The following R3HDM1 variants were observed in gnomAD, a reference collection of about 807,000 sequenced individuals.
The protein encoded by R3HDM1 is R3H domain containing 1.
Under a neutral mutation model 141.1 loss-of-function variants are expected in R3HDM1, and 46 were observed. That is an observed-to-expected ratio of 0.33 (90% CI 0.26 to 0.42). The LOEUF (loss-of-function observed/expected upper bound fraction) is 0.42, where lower values mean the gene tolerates loss of function less well. R3HDM1 is among the 10% of genes least tolerant of loss of function. The probability of loss-of-function intolerance (pLI) is 1.00; values close to 1 mark genes in which losing one functional copy is unlikely to be tolerated. For synonymous variants in R3HDM1, 435 were observed against 472.9 expected, an observed-to-expected ratio of 0.92 and a Z score of 1.04; for missense variants, 1,184 against 1,368.3, an observed-to-expected ratio of 0.87 and a Z score of 2.12.
At chr2:135,621,630 T>A in intron 6 of R3HDM1, 22 bp downstream of exon 6, 1 of 1,527,112 alleles carries the variant, frequency 6.5e-7, no homozygotes, top group Middle Eastern at 1.8e-4. Context: ...TTTTGTTTTT[T>A]TTTAAAAAAA....
intron 1 of R3HDM1, among the ~76,000 whole-genome samples, chr2:135,593,645 G>A (rs969875760): frequency 1.3e-5 from 2 of 152,094 alleles, no homozygotes; most frequent in African/African-American, 4.8e-5. Context: ...CATGCCAAAG[G>A]TTGTATCTCT....
chr2:135,636,714 G>A (rs1419800565), intron 11 of R3HDM1, among the ~76,000 whole-genome samples: 1 of 149,560 alleles, frequency 6.7e-6, no homozygotes, highest in Non-Finnish European at 1.5e-5. Context: ...GAATCAATTT[G>A]TTTTTTGTCA....
intron 21 of R3HDM1, among the ~76,000 whole-genome samples, chr2:135,691,421 C>T (rs529690928): frequency 6.6e-6 from 1 of 152,148 alleles, no homozygotes; most frequent in East Asian, 1.9e-4. Context: ...CAAGACCAGC[C>T]TGGGCAACAT....
At chr2:135,622,929 T>C in intron 7 of R3HDM1, 197 bp downstream of exon 7, 2 of 983,404 alleles carry the variant, frequency 2.0e-6, no homozygotes, top group East Asian at 2.3e-4. Context: ...GCATTATGCA[T>C]GTCACCATGA....
intron 19 of R3HDM1, chr2:135,669,504 A>G: frequency 3.0e-6 from 3 of 984,344 alleles, no homozygotes; most frequent in South Asian, 9.4e-5. Context: ...AAGCTACAGT[A>G]AAGTCTTCAT....
chr2:135,559,429 T>TA (rs1448160523), intron 1 of R3HDM1, among the ~76,000 whole-genome samples: 2 of 152,328 alleles, frequency 1.3e-5, no homozygotes, highest in East Asian at 3.9e-4. Flanking sequence ...CAAAATATAT[T>TA]ACCTTCTTGC....
At chr2:135,710,037 C>T in intron 22 of R3HDM1, 22 bp from the exon 23 acceptor site, 1 of 1,607,366 alleles carries the variant, frequency 6.2e-7, no homozygotes, top group Non-Finnish European at 8.5e-7. Flanking sequence ...CTGACTATAG[C>T]ATCCTAAATT....
intron 1 of R3HDM1, among the ~76,000 whole-genome samples, chr2:135,565,079 G>A (rs1441100489): frequency 6.6e-6 from 1 of 151,940 alleles, no homozygotes; most frequent in African/African-American, 2.4e-5. Flanking sequence ...AGTGTGTACA[G>A]TTTTTCAGTC....
intron 21 of R3HDM1, among the ~76,000 whole-genome samples, chr2:135,702,216 G>GGAA (rs1262055046): frequency 2.9e-3 from 76 of 25,974 alleles, no homozygotes; most frequent in African/African-American, 0.012. Flanking sequence ...TGTCTCAGGG[G>GGAA]GAAAAAAAAA....
intron 1 of R3HDM1, among the ~76,000 whole-genome samples, chr2:135,540,186 T>C (rs1697157732): frequency 6.6e-6 from 1 of 152,196 alleles, no homozygotes; most frequent in African/African-American, 2.4e-5. Flanking sequence ...CAAATAATGA[T>C]ATCATGAGCA....
At chr2:135,719,417 G>C (rs1366744823) in intron 24 of R3HDM1, among the ~76,000 whole-genome samples, 3 of 151,832 alleles carry the variant, frequency 2.0e-5, no homozygotes, top group African/African-American at 7.3e-5. Context: ...GGCAGAGGTT[G>C]CAGTGAGCAG....
At chr2:135,649,540 C>T (rs1413678622) in intron 16 of R3HDM1, among the ~76,000 whole-genome samples, 6 of 151,952 alleles carry the variant, frequency 3.9e-5, no homozygotes, top group Non-Finnish European at 7.4e-5. Context: ...TTCATAAAAC[C>T]AGGAAATAAT....
At chr2:135,715,226 G>A (rs976337633) in intron 23 of R3HDM1, among the ~76,000 whole-genome samples, 2 of 152,186 alleles carry the variant, frequency 1.3e-5, no homozygotes, top group Non-Finnish European at 2.9e-5. Flanking sequence ...GCGGGTGCCT[G>A]TAGTCCCAGC....
chr2:135,627,546 C>G (rs999448908), intron 7 of R3HDM1, among the ~76,000 whole-genome samples: 1 of 151,976 alleles, frequency 6.6e-6, no homozygotes. Flanking sequence ...CACTCACTGA[C>G]ATAATTTTAT....
chr2:135,659,049 C>CTGTGTGTGTGTGTGTGTGTGTGTGTG (rs548436817), intron 18 of R3HDM1, among the ~76,000 whole-genome samples: 1 of 126,402 alleles, frequency 7.9e-6, no homozygotes, highest in African/African-American at 3.1e-5. Context: ...CTACCTGAGT[C>CTGTGTGTGTGTGTGTGTGTGTGTGTG]TGTGTGTGTG....
rs541423067 is a variant in R3HDM1, at chr2:135,723,778, C to CAAAAAAAAA, written c.3050-140_3050-132dup. Among the ~76,000 whole-genome samples the CAAAAAAAAA allele has an allele frequency of 5.4e-4, 30 of 55,306 alleles. 1 individual carries two copies. The highest frequency in any genetic ancestry group is 1.9e-3 in the African/African-American group (28 of 14,508). The allele number at this position is 55,306 out of a possible 152,430, so 36.3% of individuals were successfully genotyped here. A position where few individuals can be genotyped will look rare whatever the true frequency, so the allele number is the denominator to read the frequency against. The stretch of plus-strand genomic sequence containing the variant: ...GGAGACAGAGTCAGACTCCATCTCC[C>CAAAAAAAAA]AAAAAAAAAAAAAAAAAAAAAAAAA... On this transcript the variant is annotated intron_variant, in intron 26 of 26. Transcript: ENST00000683871.
At chr2:135,674,964 C>G (rs2068934649) in intron 19 of R3HDM1, among the ~76,000 whole-genome samples, 1 of 151,250 alleles carries the variant, frequency 6.6e-6, no homozygotes, top group African/African-American at 2.4e-5. Context: ...AACAAAGGGC[C>G]CTACATATTT....
chr2:135,594,419 A>C (rs1361648910), intron 1 of R3HDM1, among the ~76,000 whole-genome samples: 1 of 152,106 alleles, frequency 6.6e-6, no homozygotes, highest in African/African-American at 2.4e-5. Flanking sequence ...CATCACTCTC[A>C]CTCATTACAA....
intron 3 of R3HDM1, 38 bp downstream of exon 3, chr2:135,605,054 ATTCAG>A: frequency 2.1e-6 from 3 of 1,431,822 alleles, no homozygotes; most frequent in African/African-American, 1.4e-5. Flanking sequence ...AATACTAAAT[ATTCAG>A]TATATATTTA....
Sources: gnomAD v4.1 joint callset for allele counts (sites outside exome capture counted in the v4.1 genomes callset) on GRCh38, gnomAD v4.1.1 for gene constraint, MANE v1.5 for transcripts, NCBI Gene and HGNC (gene_info 2026-07-23, HGNC 2026-07-21) for gene names.